FBXO2: variants seen among roughly 807,000 people sequenced by gnomAD.
FBXO2 encodes F-box only protein 2.
A neutral mutation model predicts 38.6 loss-of-function variants in FBXO2; 32 were observed. The observed-to-expected ratio is 0.83, with a 90% CI of 0.62 to 1.11. The LOEUF (loss-of-function observed/expected upper bound fraction) is 1.11. FBXO2 is among the 50% of genes most tolerant of loss of function. The probability of loss-of-function intolerance (pLI) is 0.00; values close to 1 mark genes in which losing one functional copy is unlikely to be tolerated. For synonymous variants in FBXO2, 189 were observed against 182.9 expected (o/e 1.03, Z -0.27); for missense variants, 450 against 418.3 (o/e 1.08, Z -0.66).
In FBXO2 at chr1:11,649,877, G is replaced by A; in HGVS notation, c.522-3C>T. 6.2e-7 allele frequency: 1 copy of A among 1,614,000 alleles called. No homozygotes were observed. The highest frequency in any genetic ancestry group is 8.5e-7 in the Non-Finnish European group (1 of 1,180,006). On this transcript the variant is annotated splice_region_variant and splice_polypyrimidine_tract_variant and intron_variant, in intron 3 of 5. Coordinates refer to ENST00000354287, the MANE Select transcript of FBXO2 (RefSeq NM_012168.6). ...TGACCTGTGCTTTGCGACACCACCT[G>A]GGAGAACTGGAGTTAGGACAGAGCG...
chr1:11,653,067 G>A (rs931271235), intron 1 of FBXO2, among the ~76,000 whole-genome samples: 1 of 152,214 alleles, frequency 6.6e-6, no homozygotes, highest in Non-Finnish European at 1.5e-5. Flanking sequence ...ATCGCAGAAC[G>A]GCAGGAAGAC....
intron 2 of FBXO2, among the ~76,000 whole-genome samples, 176 bp downstream of exon 2, chr1:11,650,290 C>T (rs960661746): frequency 5.3e-5 from 8 of 152,138 alleles, no homozygotes; most frequent in African/African-American, 1.7e-4. Flanking sequence ...TGGGAGGACC[C>T]GGGAGACCCC....
rs1639451679 is a variant in FBXO2 at position 11,648,388 on chromosome 1, T to C, written c.*306A>G. 3.2e-5 allele frequency: 12 copies of C among 374,592 alleles called. No individual in the cohort carries two copies. The South Asian group carries it at 6.6e-4, about 21-fold the overall frequency. The allele number at this position is 374,592 out of a possible 1,614,324, so 23.2% of individuals were successfully genotyped here. A position where few individuals can be genotyped will look rare whatever the true frequency, so the allele number is the denominator to read the frequency against. On this transcript the variant is annotated 3_prime_UTR_variant, in exon 6 of 6. Coordinates refer to ENST00000354287, the MANE Select transcript of FBXO2 (RefSeq NM_012168.6). This position sits in a 1 kb window ranked among gnomAD's most constrained non-coding sequence, Gnocchi z 4.2. ...TTTATCCATTTTTTCATTCATTCCTTCCTTGGACAAATAATATTTATTGAG... is the reference window on the plus strand; with the variant it reads ...TTTATCCATTTTTTCATTCATTCCTCCCTTGGACAAATAATATTTATTGAG...
In FBXO2 at chr1:11,648,972, T is replaced by TCAGTC; in HGVS notation, c.756+114_756+115insGACTG. On this transcript the variant is annotated intron_variant, in intron 5 of 5. Coordinates refer to ENST00000354287, the MANE Select transcript of FBXO2 (RefSeq NM_012168.6). This position sits in a 1 kb window ranked among gnomAD's most constrained non-coding sequence, Gnocchi z 4.2. ...CTCTCTCCACCACCCGGTGACTATC[T>TCAGTC]CAGCCCAGCCCAGCCCAGCCCACCC... 1.4e-6 allele frequency: 1 copy of TCAGTC among 713,240 alleles called. No individual in the cohort carries two copies. Among genetic ancestry groups the TCAGTC allele is most frequent in the Non-Finnish European group, 2.1e-6 (1 of 475,534 alleles). 44.2% of individuals were successfully genotyped at this position (713,240 alleles called of 1,614,324 possible). A position where few individuals can be genotyped will look rare whatever the true frequency, so the allele number is the denominator to read the frequency against.
In FBXO2 at chr1:11,648,893, G is replaced by C. The variant is rs550813365; in HGVS notation, c.757-65C>G. ...GAGGCCTCTCCTGCCGCCCCACCCC[G>C]GTACACCGACCGACCTGCAGCTCCC... is the stretch of plus-strand genomic sequence containing the variant. On this transcript the variant is annotated intron_variant, in intron 5 of 5. Transcript: ENST00000354287. This position sits in a 1 kb window ranked among gnomAD's most constrained non-coding sequence, Gnocchi z 4.2. The C allele has an allele frequency of 1.6e-5, 26 of 1,593,520 alleles. No individual in the cohort carries two copies. The highest frequency in any genetic ancestry group is 1.9e-5 in the Non-Finnish European group (22 of 1,166,868).
rs746688553 is a variant in FBXO2, at chr1:11,650,737, C to T, written c.120G>A (p.Ala40=). 2.6e-5 allele frequency: 40 copies of T among 1,530,178 alleles called. 2 individuals carry two copies. The African/African-American group carries it at 4.2e-4, about 16-fold the overall frequency. 94.8% of individuals were successfully genotyped at this position (1,530,178 alleles called of 1,614,324 possible). A position where few individuals can be genotyped will look rare whatever the true frequency, so the allele number is the denominator to read the frequency against. The part of the protein sequence containing the change: ...ERPEDQQEEE[A]AAAAAYLDEL... ...CGTCCAGGTACGCGGCGGCGGCCGC[C>T]GCCTCCTCCTCCTGCTGGTCCTCCG... is the stretch of plus-strand genomic sequence containing the variant. Residue 40 remains alanine, a synonymous_variant, in exon 2 of 6, where the codon GCG becomes GCA. Transcript: ENST00000354287.
intron 4 of FBXO2, 78 bp downstream of exon 4, chr1:11,649,701 C>T (rs527366614): frequency 3.4e-5 from 50 of 1,476,802 alleles, no homozygotes; most frequent in African/African-American, 1.9e-4. Flanking sequence ...CACCCCCAGG[C>T]GGGGGGTTCC....
intron 1 of FBXO2, among the ~76,000 whole-genome samples, chr1:11,652,667 A>C (rs1438068786): frequency 6.6e-6 from 1 of 152,228 alleles, no homozygotes; most frequent in Non-Finnish European, 1.5e-5. Flanking sequence ...GATCAGGAAG[A>C]CTACAGCTCT....
Position 11,650,809 on chromosome 1 carries a change from T to C in FBXO2, c.48A>G (p.Ala16=). 1 of 1,543,516 alleles carries C rather than the reference T, an allele frequency of 6.5e-7. No homozygotes were observed. The highest frequency in any genetic ancestry group is 8.7e-7 in the Non-Finnish European group (1 of 1,150,102). ...DPESVGQPEE[A]SPEEQPEEAS... is the part of the protein sequence containing the mutation. ...CCTCCTCTGGCTGCTCCTCCGGGCTTGCCTCCTCGGGCTGGCCCACGCTCT... is the reference window on the plus strand; with the variant it reads ...CCTCCTCTGGCTGCTCCTCCGGGCTCGCCTCCTCGGGCTGGCCCACGCTCT... Residue 16 remains alanine, a synonymous_variant, in exon 2 of 6, where the codon GCA becomes GCG. Coordinates refer to ENST00000354287, the MANE Select transcript of FBXO2 (RefSeq NM_012168.6).
intron 4 of FBXO2, 42 bp downstream of exon 4, chr1:11,649,737 C>G: frequency 1.3e-6 from 2 of 1,599,400 alleles, no homozygotes; most frequent in Non-Finnish European, 1.7e-6. Flanking sequence ...CTCTGCCTTA[C>G]CCCGCTCCTC....
At chr1:11,651,549 G>A (rs1361576242) in intron 1 of FBXO2, among the ~76,000 whole-genome samples, 2 of 152,180 alleles carry the variant, frequency 1.3e-5, no homozygotes, top group Non-Finnish European at 2.9e-5. Flanking sequence ...TGAGGAAACT[G>A]AGGCACAGAG....
At position 11,654,345 on chromosome 1, in the gene FBXO2, G is replaced by A. The variant is rs1161970737; in HGVS notation, c.-5C>T. On this transcript the variant is annotated 5_prime_UTR_variant, in exon 1 of 6. Coordinates refer to ENST00000354287, the MANE Select transcript of FBXO2 (RefSeq NM_012168.6). ...TGGGTCACCGTCTCCGTCCATCGCT[G>A]CGGAGGGCGGTCGCGAGAGGAGGAG... 7 of 1,441,496 alleles carry A rather than the reference G, an allele frequency of 4.9e-6. No homozygotes were observed. Among genetic ancestry groups the A allele is most frequent in the Non-Finnish European group, 6.3e-6 (7 of 1,103,496 alleles). 89.3% of individuals were successfully genotyped at this position (1,441,496 alleles called of 1,614,324 possible). A position where few individuals can be genotyped will look rare whatever the true frequency, so the allele number is the denominator to read the frequency against.
intron 1 of FBXO2, chr1:11,653,540 A>G (rs1364977848): frequency 1.4e-5 from 2 of 146,862 alleles, no homozygotes; most frequent in Non-Finnish European, 3.0e-5. Flanking sequence ...AGGCGGGGGA[A>G]TGGGGGGTGA....
chr1:11,650,863 G>A, intron 1 of FBXO2, 29 bp from the exon 2 acceptor site: 1 of 1,558,144 alleles, frequency 6.4e-7, no homozygotes, highest in Non-Finnish European at 8.6e-7. Flanking sequence ...GGGAGGCTGT[G>A]ATTCCTCCAC....
In FBXO2 at chr1:11,648,721, G is replaced by C; in HGVS notation, c.864C>G (p.Thr288=). The change falls in exon 6 of 6, where the codon ACC becomes ACG. Residue 288 remains threonine (T), a synonymous_variant. Coordinates refer to ENST00000354287, the MANE Select transcript of FBXO2 (RefSeq NM_012168.6). The surrounding 1 kb of genome is among the most constrained non-coding windows in gnomAD (Gnocchi z 4.2). ...YWKGWFGARV[T]NSSVWVEP ...AGGGTTCTACCCACACGCTGCTGTT[G>C]GTCACCCGGGCCCCGAACCAGCCCT... is the stretch of plus-strand genomic sequence containing the variant. 6.2e-7 allele frequency: 1 copy of C among 1,613,478 alleles called. No individual in the cohort carries two copies. Among genetic ancestry groups the C allele is most frequent in the Non-Finnish European group, 8.5e-7 (1 of 1,180,034 alleles).
intron 5 of FBXO2, 61 bp downstream of exon 5, chr1:11,649,026 C>G: frequency 1.4e-6 from 2 of 1,442,610 alleles, no homozygotes; most frequent in Non-Finnish European, 1.9e-6. Flanking sequence ...GGCGGGGTCT[C>G]CTCGAGCCAC....
chr1:11,654,296 C>T (rs930242699), intron 1 of FBXO2, 23 bp downstream of exon 1: 21 of 1,489,706 alleles, frequency 1.4e-5, no homozygotes, highest in Non-Finnish European at 1.9e-5. Context: ...CCCGCCGCAG[C>T]GAGCGGTCCA....
rs1030529058 is a variant in FBXO2 at position 11,650,713 on chromosome 1, G to A, written c.144C>T (p.Asp48=). Residue 48 remains aspartate, a synonymous_variant, in exon 2 of 6, where the codon GAC becomes GAT. Coordinates refer to ENST00000354287, the MANE Select transcript of FBXO2 (RefSeq NM_012168.6). ...GCAGCAGCAGCGGCTCGGGCAGCTC[G>A]TCCAGGTACGCGGCGGCGGCCGCCG... ...EEAAAAAAYL[D]ELPEPLLLRV... 1.9e-5 allele frequency: 29 copies of A among 1,527,710 alleles called. No homozygotes were observed. The highest frequency in any genetic ancestry group is 2.5e-5 in the Non-Finnish European group (29 of 1,144,782). 94.6% of individuals were successfully genotyped at this position (1,527,710 alleles called of 1,614,324 possible). A position where few individuals can be genotyped will look rare whatever the true frequency, so the allele number is the denominator to read the frequency against.
rs1639456317 is a variant in FBXO2 at position 11,648,683 on chromosome 1, G to A, written c.*11C>T. 15 of 1,612,548 alleles carry A rather than the reference G, an allele frequency of 9.3e-6. No homozygotes were observed. The highest frequency in any genetic ancestry group is 1.3e-5 in the Non-Finnish European group (15 of 1,179,468). On this transcript the variant is annotated 3_prime_UTR_variant, in exon 6 of 6. Coordinates refer to ENST00000354287, the MANE Select transcript of FBXO2 (RefSeq NM_012168.6). This position sits in a 1 kb window ranked among gnomAD's most constrained non-coding sequence, Gnocchi z 4.2. ...CTCCAGGCAGCTGGGGGAGAGTGGA[G>A]GCAGGGTCGCTCAGGGTTCTACCCA...
Sources: gnomAD v4.1 joint callset for allele counts (sites outside exome capture counted in the v4.1 genomes callset) on GRCh38, gnomAD v4.1.1 for gene constraint, Gnocchi (gnomAD v3.1) non-coding constraint, MANE v1.5 for transcripts, NCBI Gene and HGNC (gene_info 2026-07-23, HGNC 2026-07-21) for gene names.